TENM2: variants seen among roughly 807,000 people sequenced by gnomAD.
TENM2 encodes teneurin transmembrane protein 2, also known as teneurin-2.
TENM2 carries 52 observed loss-of-function variants against 245.2 expected under a neutral mutation model. That is an observed-to-expected ratio of 0.21 (90% CI 0.17 to 0.27). TENM2 has a LOEUF of 0.27. TENM2 is among the 10% of genes least tolerant of loss of function. The pLI, the probability that TENM2 is intolerant of heterozygous loss-of-function variation, is 1.00. For synonymous variants in TENM2, 1,363 were observed against 1,438.9 expected, an observed-to-expected ratio of 0.95 and a Z score of 1.19; for missense variants, 3,046 against 3,666.8, an observed-to-expected ratio of 0.83 and a Z score of 4.37.
chr5:167,966,647 C>G (rs1781405713), intron 4 of TENM2, among the ~76,000 whole-genome samples: 1 of 152,152 alleles, frequency 6.6e-6, no homozygotes. Context: ...ACATCTTCAC[C>G]ATGCTGAGTG....
intron 13 of TENM2, among the ~76,000 whole-genome samples, chr5:168,169,561 G>T (rs1218793871): frequency 6.6e-6 from 1 of 152,162 alleles, no homozygotes; most frequent in Non-Finnish European, 1.5e-5. Flanking sequence ...CCATCCCGTA[G>T]CCATCCAAAT....
chr5:167,552,293 G>C (rs965909416), intron 2 of TENM2, among the ~76,000 whole-genome samples: 1 of 152,140 alleles, frequency 6.6e-6, no homozygotes, highest in African/African-American at 2.4e-5. Context: ...AGTCAAGTGG[G>C]TGCTGTAGTC....
At chr5:167,353,568 C>A (rs528084277) in intron 1 of TENM2, among the ~76,000 whole-genome samples, 6 of 114,344 alleles carry the variant, frequency 5.2e-5, no homozygotes, top group Middle Eastern at 0.012. Context: ...AGTGCAGTGG[C>A]GGGATCTCGG....
chr5:167,017,784 A>C, the TENM2 span, among the ~76,000 whole-genome samples: 1 of 152,188 alleles, frequency 6.6e-6, no homozygotes, highest in Non-Finnish European at 1.5e-5. Flanking sequence ...CATATAGGAA[A>C]CTTGTCTTAT....
chr5:167,936,811 A>G (rs1778756232), intron 3 of TENM2, among the ~76,000 whole-genome samples: 1 of 152,194 alleles, frequency 6.6e-6, no homozygotes, highest in African/African-American at 2.4e-5. Context: ...TACACACCCC[A>G]GCCCTGTCTC....
intron 1 of TENM2, among the ~76,000 whole-genome samples, chr5:167,325,597 A>G (rs1757030986): frequency 6.6e-6 from 1 of 152,250 alleles, no homozygotes; most frequent in South Asian, 2.1e-4. Flanking sequence ...CAAGACTTCC[A>G]GGTTAGAATT....
chr5:168,053,696 C>T (rs193124920), intron 6 of TENM2, among the ~76,000 whole-genome samples: 120 of 152,252 alleles, frequency 7.9e-4, no homozygotes, highest in Non-Finnish European at 1.3e-3. Flanking sequence ...TGTGAAAATA[C>T]TACACCATTT....
intron 13 of TENM2, among the ~76,000 whole-genome samples, chr5:168,175,929 A>G (rs1024660425): frequency 6.6e-6 from 1 of 152,128 alleles, no homozygotes; most frequent in African/African-American, 2.4e-5. Flanking sequence ...GAGCAACACT[A>G]ATATCATCAC....
chr5:167,623,254 C>T (rs1778290449), intron 2 of TENM2, among the ~76,000 whole-genome samples: 1 of 152,062 alleles, frequency 6.6e-6, no homozygotes, highest in South Asian at 2.1e-4. Context: ...ATACTAGGTT[C>T]TATCTATTAT....
At chr5:167,537,095 G>A (rs764489753) in intron 2 of TENM2, among the ~76,000 whole-genome samples, 15 of 151,954 alleles carry the variant, frequency 9.9e-5, no homozygotes, top group Non-Finnish European at 1.8e-4. Context: ...AAATGATTTC[G>A]AGGGAATGGA....
intron 1 of TENM2, among the ~76,000 whole-genome samples, chr5:167,327,181 G>T (rs749460294): frequency 1.3e-5 from 2 of 151,092 alleles, no homozygotes; most frequent in Non-Finnish European, 2.9e-5. Context: ...CCCGCTCCCC[G>T]CATCCCACAA....
intron 3 of TENM2, among the ~76,000 whole-genome samples, chr5:167,916,775 C>T (rs1445518007): frequency 6.6e-6 from 1 of 152,188 alleles, no homozygotes; most frequent in Admixed American, 6.5e-5. Context: ...GGAGGCCTCA[C>T]TTATTCTCTG....
At chr5:167,845,228 C>G (rs1769926377) in intron 2 of TENM2, among the ~76,000 whole-genome samples, 2 of 138,028 alleles carry the variant, frequency 1.4e-5, no homozygotes, top group South Asian at 5.2e-4. Flanking sequence ...CCCGAGTCCC[C>G]CCCTCCCGCG....
At chr5:168,179,717 A>G (rs1170997655) in intron 13 of TENM2, among the ~76,000 whole-genome samples, 2 of 152,142 alleles carry the variant, frequency 1.3e-5, no homozygotes, top group Non-Finnish European at 2.9e-5. Context: ...CAGTCCTACC[A>G]CTTAAAAACA....
intron 2 of TENM2, among the ~76,000 whole-genome samples, chr5:167,572,076 A>C (rs997194066): frequency 1.3e-5 from 2 of 152,164 alleles, no homozygotes; most frequent in African/African-American, 2.4e-5. Flanking sequence ...CTCTGCCTTA[A>C]TGATAAGTAG....
the TENM2 span, among the ~76,000 whole-genome samples, chr5:167,222,823 T>C: frequency 6.6e-6 from 1 of 152,298 alleles, no homozygotes; most frequent in East Asian, 1.9e-4. Flanking sequence ...TTGCAAAAGC[T>C]GCTTCAAATT....
chr5:167,134,486 A>C, the TENM2 span, among the ~76,000 whole-genome samples: 2 of 152,192 alleles, frequency 1.3e-5, no homozygotes, highest in Non-Finnish European at 2.9e-5. Context: ...TTGTTACAAC[A>C]TACACTCGTT....
intron 2 of TENM2, among the ~76,000 whole-genome samples, chr5:167,486,766 G>A (rs1768101552): frequency 6.6e-6 from 1 of 152,130 alleles, no homozygotes; most frequent in South Asian, 2.1e-4. Context: ...TTTGGTTGAG[G>A]AACCTGTACA....
chr5:167,127,084 A>C, the TENM2 span, among the ~76,000 whole-genome samples: 63 of 152,088 alleles, frequency 4.1e-4, no homozygotes, highest in Admixed American at 1.2e-3. Context: ...ACAGGGTCAC[A>C]TGAGGCCACC....
Sources: gnomAD v4.1 joint callset for allele counts (sites outside exome capture counted in the v4.1 genomes callset) on GRCh38, gnomAD v4.1.1 for gene constraint, MANE v1.5 for transcripts, NCBI Gene and HGNC (gene_info 2026-07-23, HGNC 2026-07-21) for gene names.